The following PALD1 variants were observed in gnomAD, a reference collection of about 807,000 sequenced individuals.
The protein encoded by PALD1 is paladin.
Under a neutral mutation model 96.0 loss-of-function variants are expected in PALD1, and 57 were observed. That is an observed-to-expected ratio of 0.59 (90% confidence interval 0.48 to 0.74). The LOEUF is 0.74. Ranked by LOEUF, PALD1 falls within the 30% of genes least tolerant of loss-of-function variation. PALD1 has a pLI of 0.00. For missense variants in PALD1, 1,063 were observed against 1,143.7 expected, an observed-to-expected ratio of 0.93 and a Z score of 1.02; for synonymous variants, 464 against 473.6, an observed-to-expected ratio of 0.98 and a Z score of 0.26.
At chr10:70,474,748 C>T (rs548285361), upstream of PALD1, among the ~76,000 whole-genome samples, 2 of 152,254 alleles carry the variant, frequency 1.3e-5, no homozygotes, top group African/African-American at 4.8e-5. Flanking sequence ...TAGGCTTAGA[C>T]CCAAAGAAGG....
intron 1 of PALD1, among the ~76,000 whole-genome samples, chr10:70,506,925 A>G (rs1846402304): frequency 1.3e-5 from 2 of 151,980 alleles, no homozygotes; most frequent in Admixed American, 1.3e-4. Context: ...AGCGCCTTCC[A>G]CCCAGCATTT....
rs965400785 is a variant in PALD1 at position 70,534,064 on chromosome 10, C to T, written c.1013C>T (p.Ser338Phe). ...CTGCTTCACCGCAGTGGGACCACCT[C>T]CCAGCCAGAGTGAGTGGCCCGGGGC... ...LILLHRSGTT[S>F]QPEAAPTQAK... The change falls in exon 8 of 20, where the codon TCC (serine) becomes TTC (phenylalanine). Residue 338 changes from serine (S) to phenylalanine (F), a missense_variant. By Grantham distance (155) the Ser-to-Phe change is radical (BLOSUM62 -2). Coordinates refer to ENST00000263563, the MANE Select transcript of PALD1 (RefSeq NM_014431.3). 2.7e-5 allele frequency: 44 copies of T among 1,601,816 alleles called. No homozygotes were observed. The highest frequency in any genetic ancestry group is 4.5e-5 in the East Asian group (2 of 44,460).
intron 1 of PALD1, among the ~76,000 whole-genome samples, chr10:70,502,675 A>G (rs1053006339): frequency 3.3e-5 from 5 of 152,188 alleles, no homozygotes; most frequent in Non-Finnish European, 7.3e-5. Flanking sequence ...ATGTAAGCAA[A>G]TACTACATGG....
Position 70,479,241 on chromosome 10 carries a change from A to G in PALD1, c.-30+182A>G, listed in dbSNP as rs1589165416. 2.6e-5 allele frequency among the ~76,000 whole-genome samples: 4 copies of G among 152,110 alleles called. No homozygotes were observed. In the South Asian group the frequency reaches 8.3e-4, roughly 32 times the overall value. ...TGGGAGGCAAGAGGGACTCACAGGG[A>G]GCAGTTGCTGGGTGGTTGTGTGTGT... On this transcript the variant is annotated intron_variant, in intron 1 of 19. Coordinates refer to ENST00000263563, the MANE Select transcript of PALD1 (RefSeq NM_014431.3).
intron 1 of PALD1, among the ~76,000 whole-genome samples, chr10:70,518,565 C>G (rs1357306308): frequency 6.6e-6 from 1 of 152,220 alleles, no homozygotes; most frequent in Non-Finnish European, 1.5e-5. Context: ...TCCCGAACAT[C>G]TATTTAATGT....
intron 1 of PALD1, among the ~76,000 whole-genome samples, chr10:70,503,727 T>C (rs1477557769): frequency 6.6e-6 from 1 of 152,256 alleles, no homozygotes; most frequent in Middle Eastern, 3.2e-3. Context: ...GTTTTGTTTT[T>C]TTCTGATTGG....
In PALD1 at chr10:70,530,181, G is replaced by A. The variant is rs1846964368; in HGVS notation, c.468+113G>A. On this transcript the variant is annotated intron_variant, in intron 4 of 19. Transcript: ENST00000263563. ...GGGCCTGCTGCATGCTGGAGAGGTG[G>A]GGTAGTGGCCTGGACCAGGCCCTGC... The A allele has an allele frequency of 7.8e-6, 7 of 894,108 alleles. No individual in the cohort carries two copies. In the South Asian group the frequency reaches 1.1e-4, roughly 14 times the overall value. 55.4% of individuals were successfully genotyped at this position (894,108 alleles called of 1,614,324 possible). A position where few individuals can be genotyped will look rare whatever the true frequency, so the allele number is the denominator to read the frequency against.
At chr10:70,549,833 ACT>A (rs1564708155) in intron 18 of PALD1, among the ~76,000 whole-genome samples, 1 of 152,144 alleles carries the variant, frequency 6.6e-6, no homozygotes, top group Admixed American at 6.5e-5. Context: ...AGAGGTGGTC[ACT>A]CTGGCTGCCT....
At chr10:70,477,770 C>T (rs1845848586), upstream of PALD1, among the ~76,000 whole-genome samples, 1 of 152,194 alleles carries the variant, frequency 6.6e-6, no homozygotes, top group Non-Finnish European at 1.5e-5. Flanking sequence ...CTGGGGCAAC[C>T]CCAGCTCGCC....
Position 70,566,606 on chromosome 10 carries a change from A to G in PALD1, c.2444A>G (p.Glu815Gly), listed in dbSNP as rs1407672833. ...QEVASKAGIY[E>G]ILNELGFPEL... The stretch of plus-strand genomic sequence containing the variant: ...GTGGCATCGAAGGCTGGCATCTACG[A>G]GATCCTTAACGAGCTGGGCTTCCCC... The change falls in exon 20 of 20, where the codon GAG (glutamate) becomes GGG (glycine). Residue 815 changes from glutamate to glycine, a missense_variant. Glu to Gly is a moderately conservative substitution (Grantham distance 98). Coordinates refer to ENST00000263563, the MANE Select transcript of PALD1 (RefSeq NM_014431.3). The G allele has an allele frequency of 3.7e-6, 6 of 1,611,136 alleles. No individual in the cohort carries two copies. Among genetic ancestry groups the G allele is most frequent in the Non-Finnish European group, 5.1e-6 (6 of 1,179,076 alleles).
chr10:70,566,473 G>T lies in PALD1; in HGVS notation c.2419-108G>T, dbSNP rs1003891174. 7.5e-6 allele frequency: 6 copies of T among 799,326 alleles called. No individual in the cohort carries two copies. The African/African-American group carries it at 8.7e-5, about 12-fold the overall frequency. The allele number at this position is 799,326 out of a possible 1,614,324, so 49.5% of individuals were successfully genotyped here. A position where few individuals can be genotyped will look rare whatever the true frequency, so the allele number is the denominator to read the frequency against. On this transcript the variant is annotated intron_variant, in intron 19 of 19. Transcript: ENST00000263563. ...TTAACAGAAGTCAAGGTGCAAACTT[G>T]TTCAGGTCACCAAGTTCACAGGCCA...
intron 18 of PALD1, among the ~76,000 whole-genome samples, chr10:70,550,330 G>A (rs942859879): frequency 6.6e-6 from 1 of 152,086 alleles, no homozygotes; most frequent in African/African-American, 2.4e-5. Flanking sequence ...AGCTTTAGTG[G>A]GCTTCAGAAT....
At chr10:70,564,308 G>A in intron 18 of PALD1, 56 bp from the exon 19 acceptor site, 1 of 1,539,438 alleles carries the variant, frequency 6.5e-7, no homozygotes, top group Non-Finnish European at 8.8e-7. Context: ...TGGCATGTTT[G>A]TGTGTTGGGG....
chr10:70,527,294 G>A lies in PALD1; in HGVS notation c.185+1158G>A, dbSNP rs116441027. 7.1e-3 allele frequency among the ~76,000 whole-genome samples: 1,088 copies of A among 152,274 alleles called. 10 individuals are homozygous for A. The highest frequency in any genetic ancestry group is 0.024 in the African/African-American group (1,014 of 41,536). ...GTCTCAGAACAGTTGCTGACCAGCC[G>A]TAAAAATCCTGTACACAGGGCTGTG... On this transcript the variant is annotated intron_variant, in intron 2 of 19. Transcript: ENST00000263563.
intron 1 of PALD1, among the ~76,000 whole-genome samples, chr10:70,522,881 G>A (rs902222025): frequency 6.6e-6 from 1 of 152,212 alleles, no homozygotes; most frequent in African/African-American, 2.4e-5. Flanking sequence ...TTTTACAGTG[G>A]CTGTGGACAC....
chr10:70,508,887 C>T (rs111916439), intron 1 of PALD1, among the ~76,000 whole-genome samples: 818 of 44,814 alleles, frequency 0.018, 6 homozygotes, highest in Non-Finnish European at 0.027. Flanking sequence ...GGACCAGGCC[C>T]AGGGCAGGTG....
chr10:70,529,884 G>C lies in PALD1; in HGVS notation c.289-5G>C. On this transcript the variant is annotated splice_region_variant and splice_polypyrimidine_tract_variant and intron_variant, in intron 3 of 19. Transcript: ENST00000263563. ...AGTGACCTTCCTGTGGCTCTCCCCT[G>C]CCAGGGCCGCTACTTCCTGGTGCGG... The C allele has an allele frequency of 3.7e-6, 6 of 1,613,246 alleles. No individual in the cohort carries two copies. Among genetic ancestry groups the C allele is most frequent in the South Asian group, 1.1e-5 (1 of 90,984 alleles).
At chr10:70,515,416 G>T (rs1589189624) in intron 1 of PALD1, among the ~76,000 whole-genome samples, 2 of 152,208 alleles carry the variant, frequency 1.3e-5, no homozygotes, top group Admixed American at 1.3e-4. Context: ...TGTTAAGGAG[G>T]GTGGCTGCTG....
At chr10:70,495,715 A>G (rs1480836991) in intron 1 of PALD1, among the ~76,000 whole-genome samples, 3 of 151,960 alleles carry the variant, frequency 2.0e-5, no homozygotes, top group Non-Finnish European at 4.4e-5. Flanking sequence ...AATAAAAAAC[A>G]TCTGGCAGGC....
Sources: allele counts gnomAD v4.1 joint callset (sites outside exome capture counted in the v4.1 genomes callset), GRCh38; gene constraint gnomAD v4.1.1; transcripts MANE v1.5; gene names NCBI Gene and HGNC (gene_info 2026-07-23, HGNC 2026-07-21).